The following ROBO4 variants were observed in gnomAD, a reference collection of about 807,000 sequenced individuals.
ROBO4 encodes roundabout homolog 4.
A neutral mutation model predicts 103.3 loss-of-function variants in ROBO4; 80 were observed. That is an observed-to-expected ratio of 0.77 (90% CI 0.65 to 0.93). The LOEUF is 0.93. Ranked by LOEUF, ROBO4 falls within the 40% of genes least tolerant of loss-of-function variation. The pLI is 0.00. For synonymous variants in ROBO4, 504 were observed against 529.7 expected (o/e 0.95, Z 0.67); for missense variants, 1,333 against 1,305.3 (o/e 1.02, Z -0.33).
rs747056970 is a variant in ROBO4, at chr11:124,885,082, G to A, written c.2960C>T (p.Ser987Phe). 2 of 1,614,172 alleles carry A rather than the reference G, an allele frequency of 1.2e-6. No individual in the cohort carries two copies. Residue 987 changes from serine (S) to phenylalanine (F), a missense_variant, in exon 17 of 18, where the codon TCC becomes TTC. Ser to Phe is a radical substitution (Grantham distance 155). Coordinates refer to ENST00000306534, the MANE Select transcript of ROBO4 (RefSeq NM_019055.6). ...PPWPPDSQIS[S>F]QRSQLHCRMP... ...ACGACAGTGGAGCTGACTTCTCTGG[G>A]AAGAGATCTGAGAGTCAGGGGGCCA...
intron 16 of ROBO4, 62 bp downstream of exon 16, chr11:124,886,402 A>G: frequency 7.9e-7 from 1 of 1,269,376 alleles, no homozygotes. Context: ...TGATGACATG[A>G]TAACAGTTGT....
rs1946672832 is a variant in ROBO4 at position 124,884,003 on chromosome 11, G to A, written c.*888C>T. 3.3e-5 allele frequency: 5 copies of A among 152,054 alleles called. No homozygotes were observed. Among genetic ancestry groups the A allele is most frequent in the Admixed American group, 3.3e-4 (5 of 15,266 alleles). The allele number at this position is 152,054 out of a possible 1,614,324, so 9.4% of individuals were successfully genotyped here. ...AGGTGGATTTAATATAAGTTGCCAG[G>A]ACCAGCAGACCCTGAAACTCCCCAC... On this transcript the variant is annotated 3_prime_UTR_variant, in exon 18 of 18. Coordinates refer to ENST00000306534, the MANE Select transcript of ROBO4 (RefSeq NM_019055.6).
chr11:124,891,439 GCTGGGAC>G lies in ROBO4; in HGVS notation c.1801_1807del (p.Val601LeufsTer71), dbSNP rs766671399. On this transcript the variant is annotated frameshift_variant, in exon 12 of 18. Coordinates refer to ENST00000306534, the MANE Select transcript of ROBO4 (RefSeq NM_019055.6). LOFTEE classifies it high-confidence loss of function. ...CAGCTGGGGTGGGAGGCGCCTGACA[GCTGGGAC>G]CTGGGGACTTGGCCTGGCTGGGGTA... is the stretch of plus-strand genomic sequence containing the variant. 1.3e-6 allele frequency: 2 copies of G among 1,599,370 alleles called. No individual in the cohort carries two copies. Among genetic ancestry groups the G allele is most frequent in the South Asian group, 2.3e-5 (2 of 88,298 alleles).
chr11:124,895,096 G>C lies in ROBO4; in HGVS notation c.1134C>G (p.Ile378Met). ...GTGGGGGTACCTGGTAGCCACGGAT[G>C]ATGCCATTGTGGTTTTCAGCAGGTG... ...VPPPAENHNG[I>M]IRGYQVWSLG... Residue 378 changes from isoleucine to methionine, a missense_variant, in exon 7 of 18, where the codon ATC (isoleucine) becomes ATG (methionine). Coordinates refer to ENST00000306534, the MANE Select transcript of ROBO4 (RefSeq NM_019055.6). 6.2e-7 allele frequency: 1 copy of C among 1,613,800 alleles called. No homozygotes were observed.
chr11:124,886,571 G>A lies in ROBO4; in HGVS notation c.2687C>T (p.Ser896Phe), dbSNP rs1946715952. Residue 896 changes from serine to phenylalanine, a missense_variant, in exon 16 of 18, where the codon TCC becomes TTC. By Grantham distance (155) the Ser-to-Phe change is radical. Coordinates refer to ENST00000306534, the MANE Select transcript of ROBO4 (RefSeq NM_019055.6). ...AGCATCAGCGAGGAAGGAGCCATCG[G>A]AGGAGCTGACAAGGCTGGCTCTGGC... ...ASARASLVSS[S>F]DGSFLADAHF... 3 of 1,614,226 alleles carry A rather than the reference G, an allele frequency of 1.9e-6. No individual in the cohort carries two copies. Among genetic ancestry groups the A allele is most frequent in the Non-Finnish European group, 2.5e-6 (3 of 1,180,040 alleles).
chr11:124,885,963 T>C (rs567989509), intron 16 of ROBO4, among the ~76,000 whole-genome samples: 1 of 151,992 alleles, frequency 6.6e-6, no homozygotes, highest in South Asian at 2.1e-4. Context: ...CTGAGGTGGG[T>C]AGATCACTTG....
In ROBO4 at chr11:124,894,076, G is replaced by A. The variant is rs761272373; in HGVS notation, c.1319-31C>T. The A allele has an allele frequency of 4.8e-5, 74 of 1,540,792 alleles. No individual in the cohort carries two copies. In the East Asian group the frequency reaches 1.5e-3, roughly 31 times the overall value. On this transcript the variant is annotated intron_variant, in intron 8 of 17. Coordinates refer to ENST00000306534, the MANE Select transcript of ROBO4 (RefSeq NM_019055.6). ...TGGGATGCAGAGCTCAGAGGGAGAG[G>A]GAGTCGAGGCATTGAGGGCCTGGCA...
chr11:124,887,877 T>C, intron 12 of ROBO4, 37 bp from the exon 13 acceptor site: 1 of 1,570,272 alleles, frequency 6.4e-7, no homozygotes, highest in Non-Finnish European at 8.7e-7. Context: ...GGGCCCAGGA[T>C]GGACTTTTCA....
intron 1 of ROBO4, chr11:124,897,471 C>CTCTCTCTA: frequency 1.4e-4 from 4 of 28,746 alleles, no homozygotes; most frequent in Non-Finnish European, 8.4e-5. Context: ...AGCATGTTCG[C>CTCTCTCTA]TCTCTCTCTC....
chr11:124,896,416 A>G, intron 3 of ROBO4, 97 bp downstream of exon 3: 3 of 1,591,348 alleles, frequency 1.9e-6, no homozygotes, highest in Non-Finnish European at 2.6e-6. Flanking sequence ...CTCAAATTCT[A>G]CCGGAGGATG....
chr11:124,895,524 CA>C lies in ROBO4; in HGVS notation c.968del (p.Val323GlyfsTer18). 3 of 1,612,048 alleles carry C rather than the reference CA, an allele frequency of 1.9e-6. No individual in the cohort carries two copies. The highest frequency in any genetic ancestry group is 2.5e-6 in the Non-Finnish European group (3 of 1,180,024). On this transcript the variant is annotated frameshift_variant, in exon 6 of 18. Coordinates refer to ENST00000306534, the MANE Select transcript of ROBO4 (RefSeq NM_019055.6). LOFTEE classifies it high-confidence loss of function. ...LHWGQDYEFK[V>X]RPSSGRARGP... ...CTCGAGCCCGGCCAGAGGATGGTCTCACTTTGAACTCGTAGTCTTGGCCCCA... is the reference window on the plus strand; with the variant it reads ...CTCGAGCCCGGCCAGAGGATGGTCTCCTTTGAACTCGTAGTCTTGGCCCCA...
chr11:124,894,070 G>A (rs1591535512), intron 8 of ROBO4, 25 bp from the exon 9 acceptor site: 3 of 1,541,144 alleles, frequency 1.9e-6, no homozygotes, highest in Middle Eastern at 4.9e-4. Context: ...GAGCTCAGAG[G>A]GAGAGGGAGT....
chr11:124,887,532 G>GGTATCCCCATCTGCTCTGGAGCTCAGCC (rs1946736261), intron 13 of ROBO4, 33 bp from the exon 14 acceptor site: 4 of 1,612,264 alleles, frequency 2.5e-6, no homozygotes, highest in Non-Finnish European at 3.4e-6. Context: ...TGAGAACAGT[G>GGTATCCCCATCTGCTCTGGAGCTCAGCC]GCATCCCCAT....
rs939066451 is a variant in ROBO4 at position 124,897,342 on chromosome 11, T to C, written c.71-81A>G. ...TGGCCCACCCCTCATCTGTCTTCTC[T>C]TGTGTGCGAGTTTGCCAGAAAACCT... is the stretch of plus-strand genomic sequence containing the variant. On this transcript the variant is annotated intron_variant, in intron 1 of 17. Coordinates refer to ENST00000306534, the MANE Select transcript of ROBO4 (RefSeq NM_019055.6). 3.6e-6 allele frequency: 4 copies of C among 1,101,544 alleles called. No individual in the cohort carries two copies. The African/African-American group carries it at 6.3e-5, about 17-fold the overall frequency. 68.2% of individuals were successfully genotyped at this position (1,101,544 alleles called of 1,614,324 possible).
intron 7 of ROBO4, 42 bp downstream of exon 7, chr11:124,895,039 C>T: frequency 7.1e-7 from 1 of 1,403,462 alleles, no homozygotes; most frequent in African/African-American, 1.4e-5. Context: ...AAAGAGATGT[C>T]CTGGCAGCAG....
rs748701612 is a variant in ROBO4, at chr11:124,894,309, T to C, written c.1210A>G (p.Thr404Ala). ...PANWTVVGEQ[T>A]QLEIATHMPG... is the part of the protein sequence containing the mutation. ...ATATGGGTGGCGATTTCCAGCTGGG[T>C]CTGCTCACCAACTACAGTCCAGTTG... is the stretch of plus-strand genomic sequence containing the variant. Residue 404 changes from threonine (T) to alanine (A), a missense_variant, in exon 8 of 18, where the codon ACC becomes GCC. Thr to Ala is a moderately conservative substitution (Grantham distance 58). Transcript: ENST00000306534. 1.4e-4 allele frequency: 223 copies of C among 1,613,864 alleles called. 1 individual carries two copies. In the East Asian group the frequency reaches 4.9e-3, roughly 36 times the overall value.
At position 124,896,150 on chromosome 11, in the gene ROBO4, A is replaced by G. The variant is rs546612657; in HGVS notation, c.679+48T>C. On this transcript the variant is annotated intron_variant, in intron 4 of 17. Transcript: ENST00000306534. The stretch of plus-strand genomic sequence containing the variant: ...GCCCAAACCAGAATACACCACCCCA[A>G]CTGGAGCCTGCAGCCTGGCTCTGAT... 23 of 1,604,898 alleles carry G rather than the reference A, an allele frequency of 1.4e-5. No individual in the cohort carries two copies. In the African/African-American group the frequency reaches 1.5e-4, roughly 10 times the overall value.
chr11:124,896,706 C>G, intron 2 of ROBO4, 36 bp from the exon 3 acceptor site: 1 of 1,604,126 alleles, frequency 6.2e-7, no homozygotes, highest in Non-Finnish European at 8.5e-7. Context: ...GGAGCAGGGC[C>G]CAGGCCTCTT....
chr11:124,894,491 C>T lies in ROBO4; in HGVS notation c.1150-122G>A. 4 of 924,374 alleles carry T rather than the reference C, an allele frequency of 4.3e-6. No individual in the cohort carries two copies. In the South Asian group the frequency reaches 5.4e-5, roughly 13 times the overall value. 57.3% of individuals were successfully genotyped at this position (924,374 alleles called of 1,614,324 possible). ...CCCTGCCATCCACTTGGGGAATGCA[C>T]CCAATTTCCTATTCCCCTCCTATTC... On this transcript the variant is annotated intron_variant, in intron 7 of 17. Coordinates refer to ENST00000306534, the MANE Select transcript of ROBO4 (RefSeq NM_019055.6).
Sources: allele counts gnomAD v4.1 joint callset (sites outside exome capture counted in the v4.1 genomes callset), GRCh38; gene constraint gnomAD v4.1.1; transcripts MANE v1.5; gene names NCBI Gene and HGNC (gene_info 2026-07-23, HGNC 2026-07-21).